The following KIAA1217 variants were observed in gnomAD, a reference collection of about 807,000 sequenced individuals.
The protein encoded by KIAA1217 is KIAA1217.
Under a neutral mutation model 163.9 loss-of-function variants are expected in KIAA1217, and 88 were observed. The ratio of observed to expected loss-of-function variants is 0.54; its 90% CI spans 0.45 to 0.64. The LOEUF is 0.64. Ranked by LOEUF, KIAA1217 falls within the 30% of genes least tolerant of loss-of-function variation. The pLI is 0.00. For synonymous variants in KIAA1217, 903 were observed against 923.1 expected (o/e 0.98, Z 0.39); for missense variants, 2,372 against 2,475.0 (o/e 0.96, Z 0.88).
intron 1 of KIAA1217, among the ~76,000 whole-genome samples, chr10:23,861,480 A>G (rs1839948000): frequency 6.6e-6 from 1 of 152,190 alleles, no homozygotes; most frequent in Non-Finnish European, 1.5e-5. Context: ...TGCAGATGTA[A>G]TTAGGGTCAC....
chr10:24,428,278 A>G (rs1299524520), intron 3 of KIAA1217, among the ~76,000 whole-genome samples: 1 of 152,200 alleles, frequency 6.6e-6, no homozygotes, highest in Admixed American at 6.5e-5. Flanking sequence ...CACATGGGAC[A>G]ATCACCACAC....
chr10:23,820,500 T>C (rs1414664287), intron 1 of KIAA1217, among the ~76,000 whole-genome samples: 1 of 152,212 alleles, frequency 6.6e-6, no homozygotes, highest in Non-Finnish European at 1.5e-5. Context: ...GTTCACTGAA[T>C]ACCCACGTAT....
chr10:24,171,850 T>C (rs2065645190), intron 2 of KIAA1217, among the ~76,000 whole-genome samples: 1 of 152,076 alleles, frequency 6.6e-6, no homozygotes, highest in South Asian at 2.1e-4. Flanking sequence ...ATAATGATGA[T>C]CAACACCATA....
At chr10:24,326,643 G>A (rs762728776) in intron 2 of KIAA1217, among the ~76,000 whole-genome samples, 28 of 152,114 alleles carry the variant, frequency 1.8e-4, no homozygotes, top group Non-Finnish European at 4.0e-4. Context: ...TATATTATCT[G>A]AAAAATAAAA....
chr10:24,039,102 T>C (rs1848518620), intron 2 of KIAA1217, among the ~76,000 whole-genome samples: 1 of 152,096 alleles, frequency 6.6e-6, no homozygotes, highest in Non-Finnish European at 1.5e-5. Context: ...GAAATTCTAA[T>C]TCACTGGGCC....
intron 1 of KIAA1217, among the ~76,000 whole-genome samples, chr10:23,716,057 A>T (rs1302108915): frequency 2.0e-5 from 3 of 152,190 alleles, no homozygotes; most frequent in Non-Finnish European, 4.4e-5. Flanking sequence ...TATTCCTTTT[A>T]TTCCTTAAAT....
At position 24,522,013 on chromosome 10, in the gene KIAA1217, T is replaced by C. The variant is rs1209631717; in HGVS notation, c.2456+84T>C. ...GAGTGGACGTTTGGGACTTCAGCCT[T>C]CCACCATGCTCCCAGGACACATCCA... is the stretch of plus-strand genomic sequence containing the variant. On this transcript the variant is annotated intron_variant, in intron 12 of 20. Coordinates refer to ENST00000376454, the MANE Select transcript of KIAA1217 (RefSeq NM_019590.5). 4 of 1,461,358 alleles carry C rather than the reference T, an allele frequency of 2.7e-6. No individual in the cohort carries two copies. In the East Asian group the frequency reaches 9.4e-5, roughly 34 times the overall value. 90.5% of individuals were successfully genotyped at this position (1,461,358 alleles called of 1,614,324 possible). A position where few individuals can be genotyped will look rare whatever the true frequency, so the allele number is the denominator to read the frequency against.
intron 1 of KIAA1217, among the ~76,000 whole-genome samples, chr10:24,210,608 G>T (rs933320665): frequency 2.0e-5 from 3 of 152,100 alleles, no homozygotes; most frequent in African/African-American, 7.2e-5. Flanking sequence ...AACAATCAGG[G>T]CAATTCAGAG....
rs143134613 is a variant in KIAA1217 at position 24,336,446 on chromosome 10, G to A, written c.355-44423G>A. On this transcript the variant is annotated intron_variant, in intron 2 of 20. Transcript: ENST00000376454. ...TTTTCTACAACATAAGCACTGTAGAGTGTTGCTGTTTTCCCTTAGAATGTG... is the reference window on the plus strand; with the variant it reads ...TTTTCTACAACATAAGCACTGTAGAATGTTGCTGTTTTCCCTTAGAATGTG... 3.7e-3 allele frequency among the ~76,000 whole-genome samples: 569 copies of A among 152,316 alleles called. 6 individuals are homozygous for A. Among genetic ancestry groups the A allele is most frequent in the African/African-American group, 0.013 (550 of 41,566 alleles).
chr10:24,128,464 T>C (rs1244393930), intron 2 of KIAA1217, among the ~76,000 whole-genome samples: 2 of 152,230 alleles, frequency 1.3e-5, no homozygotes, highest in African/African-American at 4.8e-5. Context: ...TCAGTTGGAA[T>C]GAATAGGGCT....
rs143614614 is a variant in KIAA1217, at chr10:24,175,074, G to A, written c.-170-44552G>A. On this transcript the variant is annotated intron_variant, in intron 2 of 18. Transcript: ENST00000376462. ...ACAGGGTCTCACTATGTTGGCCAGCGTGGTCTCAAACTCCTGACCTCAGGT... is the reference window on the plus strand; with the variant it reads ...ACAGGGTCTCACTATGTTGGCCAGCATGGTCTCAAACTCCTGACCTCAGGT... Among the ~76,000 whole-genome samples the A allele has an allele frequency of 2.7e-3, 405 of 151,694 alleles. 3 individuals are homozygous for A. The highest frequency in any genetic ancestry group is 9.1e-3 in the African/African-American group (375 of 41,350).
intron 1 of KIAA1217, among the ~76,000 whole-genome samples, chr10:23,868,278 C>G (rs574999346): frequency 1.3e-5 from 2 of 152,164 alleles, no homozygotes; most frequent in East Asian, 3.9e-4. Context: ...CCCAGATGTA[C>G]GGTTACTCAG....
rs2053125767 is a variant in KIAA1217 at position 24,380,368 on chromosome 10, A to G, written c.355-501A>G. Among the ~76,000 whole-genome samples, 4 of 152,042 alleles carry G rather than the reference A, an allele frequency of 2.6e-5. No individual in the cohort carries two copies. The South Asian group carries it at 8.3e-4, about 32-fold the overall frequency. On this transcript the variant is annotated intron_variant, in intron 2 of 20. Coordinates refer to ENST00000376454, the MANE Select transcript of KIAA1217 (RefSeq NM_019590.5). ...AGACCAGGTGCAGCGGGTCACGCCTATAATCCTAGCACTTTGGGAGGCCGA... is the reference window on the plus strand; with the variant it reads ...AGACCAGGTGCAGCGGGTCACGCCTGTAATCCTAGCACTTTGGGAGGCCGA...
At chr10:24,193,163 C>T (rs1426892515) in intron 2 of KIAA1217, among the ~76,000 whole-genome samples, 4 of 152,110 alleles carry the variant, frequency 2.6e-5, no homozygotes, top group Non-Finnish European at 4.4e-5. Context: ...GAGCGATCTT[C>T]CCACCTCGGC....
chr10:24,444,847 A>T (rs1011533211), intron 5 of KIAA1217, among the ~76,000 whole-genome samples: 10 of 152,162 alleles, frequency 6.6e-5, no homozygotes, highest in African/African-American at 2.2e-4. Flanking sequence ...GCAAGGGTAC[A>T]GGCATTTGTG....
At chr10:23,699,991 T>C (rs1424430829) in intron 1 of KIAA1217, among the ~76,000 whole-genome samples, 1 of 152,210 alleles carries the variant, frequency 6.6e-6, no homozygotes, top group Non-Finnish European at 1.5e-5. Flanking sequence ...AATAAAAGAA[T>C]GAGTGAGTGA....
At chr10:24,085,585 G>C (rs1174416618) in intron 2 of KIAA1217, among the ~76,000 whole-genome samples, 1 of 151,996 alleles carries the variant, frequency 6.6e-6, no homozygotes, top group African/African-American at 2.4e-5. Flanking sequence ...CCCAGGAATA[G>C]CCTGGAAAGT....
chr10:23,868,562 T>G (rs1220761188), intron 1 of KIAA1217, among the ~76,000 whole-genome samples: 2 of 152,172 alleles, frequency 1.3e-5, no homozygotes, highest in Non-Finnish European at 2.9e-5. Context: ...GGTTAGCTCC[T>G]TGTTTCTTCT....
chr10:24,010,572 C>T (rs1269876744), intron 2 of KIAA1217, among the ~76,000 whole-genome samples: 5 of 151,048 alleles, frequency 3.3e-5, no homozygotes, highest in African/African-American at 9.7e-5. Flanking sequence ...AGATTTCACA[C>T]GTGCAGTGTA....
Sources: gnomAD v4.1 joint callset for allele counts (sites outside exome capture counted in the v4.1 genomes callset) on GRCh38, gnomAD v4.1.1 for gene constraint, MANE v1.5 for transcripts, NCBI Gene and HGNC (gene_info 2026-07-23, HGNC 2026-07-21) for gene names.